Variants in SPATS2L observed in about 807,000 individuals in gnomAD.
The protein encoded by SPATS2L is spermatogenesis associated serine rich 2 like.
A neutral mutation model predicts 59.6 loss-of-function variants in SPATS2L; 30 were observed. That is an observed-to-expected ratio of 0.50 (90% confidence interval 0.38 to 0.68). The LOEUF is 0.68. Among genes scored for constraint, SPATS2L ranks in the 30% least tolerant of loss-of-function variants. SPATS2L has a pLI of 0.00. For synonymous variants in SPATS2L, 252 were observed against 263.5 expected (o/e 0.96, Z 0.42); for missense variants, 615 against 700.0 (o/e 0.88, Z 1.37).
At chr2:200,360,384 A>G (rs2081056276) in intron 2 of SPATS2L, among the ~76,000 whole-genome samples, 1 of 152,222 alleles carries the variant, frequency 6.6e-6, no homozygotes, top group South Asian at 2.1e-4. Context: ...ATGGTTTGCC[A>G]ATACTTCGCC....
chr2:200,318,067 T>C (rs1174120705), intron 1 of SPATS2L, among the ~76,000 whole-genome samples: 1 of 152,232 alleles, frequency 6.6e-6, no homozygotes, highest in African/African-American at 2.4e-5. Context: ...ATTGTAGTGA[T>C]TACCAGTACA....
At chr2:200,408,146 T>G (rs1471907851) in intron 3 of SPATS2L, among the ~76,000 whole-genome samples, 1 of 152,080 alleles carries the variant, frequency 6.6e-6, no homozygotes, top group Admixed American at 6.6e-5. Flanking sequence ...GGAGAAGGAT[T>G]TCATGGAACA....
chr2:200,430,740 CAG>C (rs1398449976), intron 6 of SPATS2L, among the ~76,000 whole-genome samples: 162 of 121,522 alleles, frequency 1.3e-3, no homozygotes, highest in Non-Finnish European at 3.6e-4. Flanking sequence ...TTTTTTGAGA[CAG>C]AGTCTTGCTC....
At chr2:200,340,578 G>A (rs1443260131) in intron 2 of SPATS2L, among the ~76,000 whole-genome samples, 2 of 152,212 alleles carry the variant, frequency 1.3e-5, no homozygotes, top group South Asian at 2.1e-4. Context: ...CATGGAGGGG[G>A]TGCAGCAGGA....
intron 2 of SPATS2L, among the ~76,000 whole-genome samples, chr2:200,383,049 C>A (rs1272033642): frequency 6.6e-6 from 1 of 152,074 alleles, no homozygotes; most frequent in East Asian, 1.9e-4. Context: ...CGTCCGAATA[C>A]CCTGCGGGGC....
At chr2:200,423,076 G>A (rs1466113754) in intron 6 of SPATS2L, among the ~76,000 whole-genome samples, 1 of 152,170 alleles carries the variant, frequency 6.6e-6, no homozygotes, top group South Asian at 2.1e-4. Context: ...TCCTGGGTAG[G>A]ACAGAGTGAG....
At position 200,473,020 on chromosome 2, in the gene SPATS2L, C is replaced by G; in HGVS notation, c.1249C>G (p.Pro417Ala). The G allele has an allele frequency of 6.2e-7, 1 of 1,613,694 alleles. No homozygotes were observed. Among genetic ancestry groups the G allele is most frequent in the Non-Finnish European group, 8.5e-7 (1 of 1,179,806 alleles). ...MVSSLPSTAD[P>A]SHQTMPANKQ... is the part of the protein sequence containing the mutation. The stretch of plus-strand genomic sequence containing the variant: ...GAGCAGTCTCCCCAGCACCGCCGAC[C>G]CCTCTCACCAGACCATGCCGGCCAA... The change falls in exon 12 of 13, where the codon CCC becomes GCC. Residue 417 changes from proline (P) to alanine (A), a missense_variant. Pro to Ala is a conservative substitution (Grantham distance 27). Transcript: ENST00000409140.
chr2:200,436,393 C>T (rs1574530583), intron 6 of SPATS2L, among the ~76,000 whole-genome samples: 1 of 152,134 alleles, frequency 6.6e-6, no homozygotes, highest in African/African-American at 2.4e-5. Context: ...GACATACATG[C>T]ATGTCAGACA....
intron 2 of SPATS2L, among the ~76,000 whole-genome samples, chr2:200,377,228 C>G (rs2081631036): frequency 6.6e-6 from 1 of 152,132 alleles, no homozygotes; most frequent in Non-Finnish European, 1.5e-5. Context: ...TGCCCAAATC[C>G]CAAAACTAGT....
chr2:200,306,454 G>T, upstream of SPATS2L: 2 of 1,002,334 alleles, frequency 2.0e-6, no homozygotes, highest in Non-Finnish European at 2.4e-6. Flanking sequence ...CTAGAAAGTG[G>T]GGTGGGAAAG....
intron 8 of SPATS2L, among the ~76,000 whole-genome samples, chr2:200,456,865 G>A (rs1270121686): frequency 6.6e-6 from 1 of 152,124 alleles, no homozygotes; most frequent in African/African-American, 2.4e-5. Context: ...TTGATTCAGG[G>A]AAGGGAATCC....
chr2:200,363,166 T>A (rs2081163858), intron 2 of SPATS2L, among the ~76,000 whole-genome samples: 1 of 152,188 alleles, frequency 6.6e-6, no homozygotes, highest in Non-Finnish European at 1.5e-5. Flanking sequence ...AATTAAACTT[T>A]TAAAATGCTA....
intron 8 of SPATS2L, among the ~76,000 whole-genome samples, chr2:200,448,052 G>T (rs1205180760): frequency 6.6e-6 from 1 of 152,158 alleles, no homozygotes; most frequent in Non-Finnish European, 1.5e-5. Flanking sequence ...GGCTGAGGTG[G>T]GAGGATCATT....
intron 1 of SPATS2L, among the ~76,000 whole-genome samples, chr2:200,314,579 GCTT>G (rs1168685403): frequency 6.6e-6 from 1 of 152,188 alleles, no homozygotes; most frequent in Non-Finnish European, 1.5e-5. Context: ...TGGCACGAAA[GCTT>G]CTTTGTGATC....
intron 6 of SPATS2L, among the ~76,000 whole-genome samples, chr2:200,430,082 A>G (rs969357241): frequency 9.2e-5 from 14 of 152,082 alleles, no homozygotes; most frequent in Admixed American, 2.6e-4. Context: ...CACAGTTGCA[A>G]TCTTTCATTT....
chr2:200,318,116 CAG>C (rs2079440153), intron 1 of SPATS2L, among the ~76,000 whole-genome samples: 2 of 152,158 alleles, frequency 1.3e-5, no homozygotes, highest in African/African-American at 4.8e-5. Flanking sequence ...CTGTAAACAG[CAG>C]AGAGTCTGAT....
At chr2:200,366,173 C>T (rs576344154) in intron 2 of SPATS2L, among the ~76,000 whole-genome samples, 1 of 152,304 alleles carries the variant, frequency 6.6e-6, no homozygotes, top group African/African-American at 2.4e-5. Flanking sequence ...CATAAATCAA[C>T]AATCATATCT....
At chr2:200,421,070 T>C (rs1220958815) in intron 6 of SPATS2L, among the ~76,000 whole-genome samples, 1 of 152,186 alleles carries the variant, frequency 6.6e-6, no homozygotes, top group African/African-American at 2.4e-5. Context: ...ACTCCCGTTA[T>C]ATTCAGAGCA....
intron 8 of SPATS2L, among the ~76,000 whole-genome samples, chr2:200,454,925 G>A (rs1377824919): frequency 6.6e-6 from 1 of 152,162 alleles, no homozygotes; most frequent in African/African-American, 2.4e-5. Flanking sequence ...AAAACATTCA[G>A]AACTTAGCAT....
Sources: gnomAD v4.1 joint callset for allele counts (sites outside exome capture counted in the v4.1 genomes callset) on GRCh38, gnomAD v4.1.1 for gene constraint, MANE v1.5 for transcripts, NCBI Gene and HGNC (gene_info 2026-07-23, HGNC 2026-07-21) for gene names.